ITPR1: variants seen among roughly 807,000 people sequenced by gnomAD.
ITPR1 encodes inositol 1,4,5-trisphosphate-gated calcium channel ITPR1.
Under a neutral mutation model 318.4 loss-of-function variants are expected in ITPR1, and 96 were observed. That is an observed-to-expected ratio of 0.30 (90% CI 0.26 to 0.36). The LOEUF is 0.36. ITPR1 is among the 10% of genes least tolerant of loss of function. The probability of loss-of-function intolerance (pLI) is 1.00; values close to 1 mark genes in which losing one functional copy is unlikely to be tolerated. For missense variants in ITPR1, 2,440 were observed against 3,460.2 expected, an observed-to-expected ratio of 0.71 and a Z score of 7.40; for synonymous variants, 1,312 against 1,289.9, an observed-to-expected ratio of 1.02 and a Z score of -0.37.
chr3:4,512,446 G>A (rs1442199340), intron 2 of ITPR1, among the ~76,000 whole-genome samples: 1 of 152,186 alleles, frequency 6.6e-6, no homozygotes, highest in East Asian at 1.9e-4. Context: ...AGGTTAGAAT[G>A]CTCTGTGGCT....
At position 4,503,330 on chromosome 3, in the gene ITPR1, C is replaced by T. The variant is rs556914667; in HGVS notation, c.-17+8824C>T. On this transcript the variant is annotated intron_variant, in intron 2 of 61. Coordinates refer to ENST00000649015, the MANE Select transcript of ITPR1 (RefSeq NM_001378452.1). The stretch of plus-strand genomic sequence containing the variant: ...GCCACAGGATGGGGACTCCGCAGTA[C>T]CGAGTGTTGACTGCTTCTTGGGTAA... Among the ~76,000 whole-genome samples the T allele has an allele frequency of 2.0e-5, 3 of 152,242 alleles. No individual in the cohort carries two copies. In the East Asian group the frequency reaches 5.8e-4, roughly 29 times the overall value.
At chr3:4,786,281 C>G (rs79972022) in intron 51 of ITPR1, among the ~76,000 whole-genome samples, 5,763 of 152,242 alleles carry the variant, frequency 0.038, 141 homozygotes, top group African/African-American at 0.059. Flanking sequence ...GGTCACTGAC[C>G]CCACACCACA....
rs530360723 is a variant in ITPR1 at position 4,752,002 on chromosome 3, GCT to G, written c.5545-14522_5545-14521del. Among the ~76,000 whole-genome samples the G allele has an allele frequency of 1.3e-4, 20 of 152,258 alleles. No homozygotes were observed. In the East Asian group the frequency reaches 3.5e-3, roughly 26 times the overall value. On this transcript the variant is annotated intron_variant, in intron 44 of 61. Transcript: ENST00000649015. ...GAGTTCCTCTTTGAAACTGTCAGAG[GCT>G]CTCTCAAAGTTTCTACCAATTTCCT...
At chr3:4,748,444 C>CT (rs1455109568) in intron 44 of ITPR1, among the ~76,000 whole-genome samples, 2 of 48,552 alleles carry the variant, frequency 4.1e-5, no homozygotes, top group East Asian at 9.6e-3. Flanking sequence ...AATGGAAGCA[C>CT]ATTTTTTTTT....
At position 4,619,623 on chromosome 3, in the gene ITPR1, CTCCTCTGCTCT is replaced by C. The variant is rs1208487547; in HGVS notation, c.164-8139_164-8129del. ...CTGCTCTCCTCTGCCCTCCCCTGCT[CTCCTCTGCTCT>C]CCCCTGCTCTCCTCTGCTCTCCCCT... On this transcript the variant is annotated intron_variant, in intron 4 of 61. Transcript: ENST00000649015. Among the ~76,000 whole-genome samples the C allele has an allele frequency of 4.9e-4, 13 of 26,526 alleles. 1 individual carries two copies. The highest frequency in any genetic ancestry group is 1.8e-3 in the Admixed American group (4 of 2,174). 17.4% of individuals were successfully genotyped at this position (26,526 alleles called of 152,430 possible).
chr3:4,614,383 C>T (rs1393916864), intron 4 of ITPR1, among the ~76,000 whole-genome samples: 2 of 152,232 alleles, frequency 1.3e-5, no homozygotes, highest in African/African-American at 4.8e-5. Context: ...ACCTGTTTAT[C>T]CCTTCTATCA....
chr3:4,774,192 C>G (rs368920159), intron 46 of ITPR1, among the ~76,000 whole-genome samples: 7 of 152,260 alleles, frequency 4.6e-5, no homozygotes, highest in Admixed American at 1.3e-4. Context: ...GAGATCTTTC[C>G]ATATTGGCAC....
chr3:4,833,548 A>G (rs1205959334), intron 60 of ITPR1, among the ~76,000 whole-genome samples: 1 of 152,268 alleles, frequency 6.6e-6, no homozygotes, highest in Non-Finnish European at 1.5e-5. Flanking sequence ...TCCGACTGCT[A>G]GCAGTGAGGA....
At chr3:4,532,046 G>C (rs560320051) in intron 4 of ITPR1, among the ~76,000 whole-genome samples, 3 of 152,282 alleles carry the variant, frequency 2.0e-5, no homozygotes, top group South Asian at 2.1e-4. Context: ...AAGCACTTAC[G>C]GGACTACCTG....
chr3:4,615,849 AGAGGT>A (rs1335891588), intron 4 of ITPR1, among the ~76,000 whole-genome samples: 1 of 152,128 alleles, frequency 6.6e-6, no homozygotes, highest in Non-Finnish European at 1.5e-5. Context: ...TGCAAGCAGG[AGAGGT>A]GGTTAAAGGC....
At chr3:4,552,065 T>C (rs1213689284) in intron 4 of ITPR1, among the ~76,000 whole-genome samples, 1 of 152,212 alleles carries the variant, frequency 6.6e-6, no homozygotes, top group Non-Finnish European at 1.5e-5. Context: ...ACAGTTCTAA[T>C]GCAGAAATTA....
intron 4 of ITPR1, among the ~76,000 whole-genome samples, chr3:4,591,678 G>A (rs569036413): frequency 1.3e-5 from 2 of 152,202 alleles, no homozygotes; most frequent in African/African-American, 4.8e-5. Flanking sequence ...TTTTTGATAG[G>A]GTGTGGAAGA....
At chr3:4,539,442 T>A (rs1339554819) in intron 4 of ITPR1, among the ~76,000 whole-genome samples, 3 of 152,204 alleles carry the variant, frequency 2.0e-5, no homozygotes, top group Non-Finnish European at 4.4e-5. Flanking sequence ...TTGGTTTTTT[T>A]ATCTCCTTGA....
At chr3:4,681,202 A>T (rs556160637) in intron 25 of ITPR1, among the ~76,000 whole-genome samples, 162 bp from the exon 26 acceptor site, 1 of 152,008 alleles carries the variant, frequency 6.6e-6, no homozygotes, top group Non-Finnish European at 1.5e-5. Flanking sequence ...ATATGTGGTT[A>T]ATGTCATCTG....
intron 37 of ITPR1, among the ~76,000 whole-genome samples, chr3:4,708,666 T>C (rs1482208763): frequency 1.3e-5 from 2 of 151,866 alleles, no homozygotes; most frequent in South Asian, 2.1e-4. Flanking sequence ...AGATTTATTA[T>C]GCATATTCTT....
At chr3:4,794,774 G>T (rs1293488595) in intron 52 of ITPR1, among the ~76,000 whole-genome samples, 2 of 152,166 alleles carry the variant, frequency 1.3e-5, no homozygotes, top group Non-Finnish European at 2.9e-5. Flanking sequence ...GCAACTGATG[G>T]CTGCGGCTGG....
intron 52 of ITPR1, among the ~76,000 whole-genome samples, chr3:4,788,538 A>G (rs999648722): frequency 6.6e-6 from 1 of 152,236 alleles, no homozygotes; most frequent in African/African-American, 2.4e-5. Flanking sequence ...CCTGCTCCAG[A>G]GACTCTGGTA....
intron 4 of ITPR1, among the ~76,000 whole-genome samples, chr3:4,535,507 A>T (rs149500024): frequency 2.3e-4 from 32 of 138,414 alleles, no homozygotes; most frequent in African/African-American, 7.6e-4. Flanking sequence ...CAGTGGCGCA[A>T]TCTCGGCTCA....
chr3:4,724,221 TGTC>T (rs2042354320), intron 40 of ITPR1, among the ~76,000 whole-genome samples: 3 of 152,242 alleles, frequency 2.0e-5, no homozygotes, highest in Admixed American at 2.0e-4. Context: ...CAACCCTTGT[TGTC>T]TTTGCCGAAG....
Sources: allele counts gnomAD v4.1 joint callset (sites outside exome capture counted in the v4.1 genomes callset), GRCh38; gene constraint gnomAD v4.1.1; transcripts MANE v1.5; gene names NCBI Gene and HGNC (gene_info 2026-07-23, HGNC 2026-07-21).